The following VPS13B variants were observed in gnomAD, a reference collection of about 807,000 sequenced individuals.
VPS13B encodes vacuolar protein sorting 13 homolog B, also known as intermembrane lipid transfer protein VPS13B.
In VPS13B, 285 loss-of-function variants were observed where a neutral mutation model predicts 426.4. The observed-to-expected ratio is 0.67, with a 90% CI of 0.61 to 0.74. The LOEUF (loss-of-function observed/expected upper bound fraction) is 0.74, where lower values mean the gene tolerates loss of function less well. Among genes scored for constraint, VPS13B ranks in the 30% least tolerant of loss-of-function variants. The pLI is 0.00. For synonymous variants in VPS13B, 1,676 were observed against 1,676.4 expected, an observed-to-expected ratio of 1.00 and a Z score of 0.01; for missense variants, 4,537 against 4,782.6, an observed-to-expected ratio of 0.95 and a Z score of 1.51.
intron 50 of VPS13B, 102 bp downstream of exon 50, chr8:99,821,584 C>T: frequency 7.4e-7 from 1 of 1,345,110 alleles, no homozygotes; most frequent in Non-Finnish European, 1.1e-6. Flanking sequence ...TTTCATATTA[C>T]TTCTTCTAAA....
At chr8:99,130,488 C>T (rs1466281675) in intron 8 of VPS13B, among the ~76,000 whole-genome samples, 4 of 150,996 alleles carry the variant, frequency 2.6e-5, no homozygotes, top group South Asian at 4.2e-4. Context: ...CCCGGGTTCA[C>T]GCCATTCTCC....
chr8:99,500,068 T>G (rs2133605543), intron 25 of VPS13B, among the ~76,000 whole-genome samples: 1 of 152,306 alleles, frequency 6.6e-6, no homozygotes, highest in South Asian at 2.1e-4. Flanking sequence ...GTTTGTTTTG[T>G]ACAGGATTTT....
rs1338543716 is a variant in VPS13B at position 99,096,671 on chromosome 8, A to G, written c.412+239A>G. 4.0e-5 allele frequency among the ~76,000 whole-genome samples: 6 copies of G among 151,096 alleles called. No homozygotes were observed. The East Asian group carries it at 1.2e-3, about 30-fold the overall frequency. On this transcript the variant is annotated intron_variant, in intron 4 of 61. Coordinates refer to ENST00000357162, the MANE Select transcript of VPS13B (RefSeq NM_152564.5). The stretch of plus-strand genomic sequence containing the variant: ...CTCGGGAGGCTGAGGCAGGAGAATC[A>G]CTTGAACCTGGGAGGTGGGGGTTAC...
chr8:99,052,965 A>G (rs1002729373), intron 3 of VPS13B, among the ~76,000 whole-genome samples: 10 of 151,716 alleles, frequency 6.6e-5, no homozygotes, highest in African/African-American at 2.4e-4. Flanking sequence ...AATTTTGTTG[A>G]TCTTTTCAAA....
chr8:99,288,905 C>G (rs962145114), intron 19 of VPS13B, among the ~76,000 whole-genome samples: 2 of 151,914 alleles, frequency 1.3e-5, no homozygotes, highest in Non-Finnish European at 2.9e-5. Context: ...CATAGTTAAA[C>G]TCCAAGTTCA....
intron 11 of VPS13B, 115 bp from the exon 12 acceptor site, chr8:99,136,550 C>A: frequency 9.8e-7 from 1 of 1,021,172 alleles, no homozygotes; most frequent in Non-Finnish European, 1.5e-6. Flanking sequence ...TTCTTTTGGT[C>A]ATCCTTTGTG....
chr8:99,135,627 T>G lies in VPS13B; in HGVS notation c.1457T>G (p.Leu486Trp). 6.2e-7 allele frequency: 1 copy of G among 1,613,408 alleles called. No individual in the cohort carries two copies. The highest frequency in any genetic ancestry group is 2.2e-5 in the East Asian group (1 of 44,810). The change falls in exon 11 of 62, where the codon TTG (leucine) becomes TGG (tryptophan). Residue 486 changes from leucine to tryptophan, a missense_variant. By Grantham distance (61) the Leu-to-Trp change is moderately conservative. Transcript: ENST00000357162. ...TGTTTCTTCATTTGTGGTGACAATT[T>G]GAGTACGAAAGGTTTCACATACCTT... The part of the protein sequence containing the change: ...EACFFICGDN[L>W]STKGFTYLTN...
In VPS13B at chr8:99,778,955, T is replaced by C. The variant is rs1811877032; in HGVS notation, c.7703T>C (p.Ile2568Thr). The C allele has an allele frequency of 1.2e-6, 2 of 1,613,988 alleles. No homozygotes were observed. The highest frequency in any genetic ancestry group is 1.7e-6 in the Non-Finnish European group (2 of 1,179,890). ...GAAAAGCTGCTTGACTGCACCGTGA[T>C]AGTTGATTCTGTATTTGTAAACCTT... The part of the protein sequence containing the change: ...VVEKLLDCTV[I>T]VDSVFVNLGQ... Residue 2568 changes from isoleucine to threonine, a missense_variant, in exon 42 of 62, where the codon ATA becomes ACA. This residue lies in a region of VPS13B where 4,311 missense variants were observed against 4,474.3 expected (regional missense o/e 0.96). Transcript: ENST00000357162.
intron 3 of VPS13B, among the ~76,000 whole-genome samples, chr8:99,039,774 C>G (rs1343465685): frequency 6.6e-6 from 1 of 152,016 alleles, no homozygotes; most frequent in Non-Finnish European, 1.5e-5. Flanking sequence ...ACCCAGTGGA[C>G]TCAGATCTTT....
At chr8:99,061,421 C>T (rs1844184679) in intron 3 of VPS13B, among the ~76,000 whole-genome samples, 2 of 150,144 alleles carry the variant, frequency 1.3e-5, no homozygotes, top group Non-Finnish European at 3.0e-5. Flanking sequence ...TTTCTATGGA[C>T]AGATTATAGT....
chr8:99,853,032 G>A lies in VPS13B; in HGVS notation c.10062-419G>A, dbSNP rs147229378. On this transcript the variant is annotated intron_variant, in intron 55 of 61. Coordinates refer to ENST00000357162, the MANE Select transcript of VPS13B (RefSeq NM_152564.5). ...AAGAGCCAAGCATGGACTCAGGCAC[G>A]GTTGATGGGCAGTTGTGGCAGGAAT... is the stretch of plus-strand genomic sequence containing the variant. Among the ~76,000 whole-genome samples, 152 of 152,174 alleles carry A rather than the reference G, an allele frequency of 1.0e-3. 1 individual carries two copies. Among genetic ancestry groups the A allele is most frequent in the African/African-American group, 3.5e-3 (146 of 41,518 alleles).
chr8:99,208,219 C>T (rs1006290912), intron 17 of VPS13B, among the ~76,000 whole-genome samples: 1 of 152,068 alleles, frequency 6.6e-6, no homozygotes, highest in African/African-American at 2.4e-5. Flanking sequence ...CTCACTATCA[C>T]GCAGCACCAA....
chr8:99,121,378 C>A lies in VPS13B; in HGVS notation c.1139C>A (p.Ala380Glu), dbSNP rs1392174922. The A allele has an allele frequency of 6.2e-7, 1 of 1,614,082 alleles. No individual in the cohort carries two copies. Among genetic ancestry groups the A allele is most frequent in the African/African-American group, 1.3e-5 (1 of 74,932 alleles). The change falls in exon 8 of 62, where the codon GCA becomes GAA. Residue 380 changes from alanine (A) to glutamate (E), a missense_variant. Physicochemically the swap from Ala to Glu is moderately radical, Grantham distance 107. Transcript: ENST00000357162. ...GCATCAACCATGCATCAACAAAAAG[C>A]ACAGACTTTGAAGGATCCTATTGTT... ...DPASTMHQQKAQTLKDPIVSI... is the reference protein window; with the variant it reads ...DPASTMHQQKEQTLKDPIVSI...
chr8:99,406,688 CTG>C (rs1815348831), intron 21 of VPS13B, among the ~76,000 whole-genome samples: 1 of 152,164 alleles, frequency 6.6e-6, no homozygotes, highest in Non-Finnish European at 1.5e-5. Context: ...GTTCTCCACT[CTG>C]TGCTAGTGGG....
At chr8:99,326,381 A>G (rs1017141824) in intron 19 of VPS13B, among the ~76,000 whole-genome samples, 1 of 148,770 alleles carries the variant, frequency 6.7e-6, no homozygotes, top group Admixed American at 6.7e-5. Context: ...TCTAATTGGT[A>G]AGTAAGTAGT....
intron 3 of VPS13B, among the ~76,000 whole-genome samples, chr8:99,095,870 A>G (rs1005466859): frequency 6.6e-6 from 1 of 152,170 alleles, no homozygotes; most frequent in Admixed American, 6.5e-5. Context: ...TATTAAGATT[A>G]ATCATTAAAG....
chr8:99,510,606 G>A (rs1244816076), intron 28 of VPS13B, among the ~76,000 whole-genome samples: 6 of 152,144 alleles, frequency 3.9e-5, no homozygotes, highest in African/African-American at 9.7e-5. Flanking sequence ...GGGTTGAAGC[G>A]ATTCTTGTGC....
At chr8:99,599,711 G>T (rs1210938107) in intron 33 of VPS13B, among the ~76,000 whole-genome samples, 1 of 151,972 alleles carries the variant, frequency 6.6e-6, no homozygotes, top group Non-Finnish European at 1.5e-5. Context: ...CTAGAACTTT[G>T]GCTCTTCCTC....
intron 19 of VPS13B, among the ~76,000 whole-genome samples, chr8:99,288,154 GA>G (rs1365952191): frequency 6.6e-6 from 1 of 151,892 alleles, no homozygotes; most frequent in African/African-American, 2.4e-5. Context: ...AAGCTTGTGT[GA>G]AAAAATAAAA....
Sources: allele counts gnomAD v4.1 joint callset (sites outside exome capture counted in the v4.1 genomes callset), GRCh38; gene constraint gnomAD v4.1.1; regional missense constraint gnomAD v4.1.1; transcripts MANE v1.5; gene names NCBI Gene and HGNC (gene_info 2026-07-23, HGNC 2026-07-21).